The following MYZAP variants were observed in gnomAD, a reference collection of about 807,000 sequenced individuals.
The protein encoded by MYZAP is GRINL1A complex locus upstream.
A neutral mutation model predicts 69.4 loss-of-function variants in MYZAP; 66 were observed. The observed-to-expected ratio is 0.95, with a 90% CI of 0.78 to 1.17. MYZAP has a LOEUF of 1.17. MYZAP is among the 50% of genes most tolerant of loss of function. The pLI is 0.00. For missense variants in MYZAP, 611 were observed against 556.2 expected (o/e 1.10, Z -0.99); for synonymous variants, 256 against 205.9 (o/e 1.24, Z -2.09).
At position 57,592,042 on chromosome 15, in the gene MYZAP, G is replaced by T. The variant is rs1265827038; in HGVS notation, c.8G>T (p.Arg3Leu). 2 of 1,434,496 alleles carry T rather than the reference G, an allele frequency of 1.4e-6. No individual in the cohort carries two copies. Among genetic ancestry groups the T allele is most frequent in the Non-Finnish European group, 1.8e-6 (2 of 1,098,290 alleles). The allele number at this position is 1,434,496 out of a possible 1,614,324, so 88.9% of individuals were successfully genotyped here. ...ACCGACCGCCGCTGCGGGATGCTGC[G>T]CTCCACGTCCACGGTCACCCTGCTC... Reference protein sequence around the residue: MLRSTSTVTLLSG... With the variant: MLLSTSTVTLLSG... The change falls in exon 1 of 13, where the codon CGC (arginine) becomes CTC (leucine). Residue 3 changes from arginine to leucine, a missense_variant. Coordinates refer to ENST00000267853, the MANE Select transcript of MYZAP (RefSeq NM_001018100.5).
At chr15:57,661,263 C>G (rs1190618639) in intron 10 of MYZAP, among the ~76,000 whole-genome samples, 187 bp from the exon 11 acceptor site, 2 of 152,074 alleles carry the variant, frequency 1.3e-5, no homozygotes, top group Non-Finnish European at 2.9e-5. Flanking sequence ...TAATACTGTT[C>G]CACGAAACAC....
In MYZAP at chr15:57,664,449, G is replaced by A. The variant is rs1187180026; in HGVS notation, c.1203+2916G>A. Among the ~76,000 whole-genome samples, 3 of 152,268 alleles carry A rather than the reference G, an allele frequency of 2.0e-5. No individual in the cohort carries two copies. The South Asian group carries it at 6.2e-4, about 32-fold the overall frequency. ...GTTTTCCTCTTTGGCTCTCAGACTA[G>A]CTGATCATTTACACACACTCTGCCG... On this transcript the variant is annotated intron_variant, in intron 11 of 12. Coordinates refer to ENST00000267853, the MANE Select transcript of MYZAP (RefSeq NM_001018100.5).
chr15:57,661,588 T>C (rs2140548119), intron 11 of MYZAP, 55 bp downstream of exon 11: 1 of 1,459,350 alleles, frequency 6.9e-7, no homozygotes, highest in South Asian at 1.2e-5. Context: ...AATTTTATGT[T>C]GCTAAGCCTA....
At chr15:57,592,902 C>A (rs1472910923) in intron 1 of MYZAP, among the ~76,000 whole-genome samples, 1 of 152,158 alleles carries the variant, frequency 6.6e-6, no homozygotes, top group Non-Finnish European at 1.5e-5. Flanking sequence ...CAATACTTAT[C>A]ATTTGGTACC....
chr15:57,661,050 A>G (rs2038274102), intron 10 of MYZAP, among the ~76,000 whole-genome samples: 3 of 152,228 alleles, frequency 2.0e-5, no homozygotes, highest in Admixed American at 2.0e-4. Context: ...TTCAAGCCGA[A>G]TAATCATTTT....
intron 2 of MYZAP, among the ~76,000 whole-genome samples, chr15:57,610,370 G>A (rs562457441): frequency 7.2e-5 from 11 of 152,324 alleles, no homozygotes; most frequent in African/African-American, 2.4e-4. Flanking sequence ...CGTCCTTGGC[G>A]TGACTGTTTA....
chr15:57,678,410 T>G (rs1285964398), intron 12 of MYZAP, among the ~76,000 whole-genome samples: 2 of 152,134 alleles, frequency 1.3e-5, no homozygotes, highest in Non-Finnish European at 2.9e-5. Context: ...GCATGGTAAC[T>G]GGACCAGAGT....
At chr15:57,635,658 A>T (rs565786001) in intron 8 of MYZAP, among the ~76,000 whole-genome samples, 3 of 152,254 alleles carry the variant, frequency 2.0e-5, no homozygotes, top group Non-Finnish European at 4.4e-5. Flanking sequence ...TTGAACTAAC[A>T]TTAGGTAGGC....
chr15:57,601,312 G>A (rs757024300), intron 1 of MYZAP, among the ~76,000 whole-genome samples: 14 of 148,532 alleles, frequency 9.4e-5, no homozygotes, highest in Non-Finnish European at 1.8e-4. Flanking sequence ...TGTGGTGCAG[G>A]AGAAAAGGAC....
chr15:57,618,200 A>G lies in MYZAP; in HGVS notation c.318+12A>G. The G allele has an allele frequency of 6.2e-7, 1 of 1,612,170 alleles. No homozygotes were observed. The highest frequency in any genetic ancestry group is 8.5e-7 in the Non-Finnish European group (1 of 1,179,126). ...ACTACATCAAAGATGTGAGCCATTT[A>G]AGAGTTTTTGCCCCCCACCTGTATT... On this transcript the variant is annotated intron_variant, in intron 3 of 12. Coordinates refer to ENST00000267853, the MANE Select transcript of MYZAP (RefSeq NM_001018100.5).
chr15:57,609,570 T>C (rs1488522489), intron 2 of MYZAP, among the ~76,000 whole-genome samples: 1 of 152,204 alleles, frequency 6.6e-6, no homozygotes, highest in East Asian at 1.9e-4. Context: ...ATATAATTCC[T>C]AGGTACTGGA....
intron 10 of MYZAP, among the ~76,000 whole-genome samples, chr15:57,649,446 G>A (rs1261612104): frequency 6.6e-6 from 1 of 152,202 alleles, no homozygotes; most frequent in East Asian, 1.9e-4. Flanking sequence ...ATTACTCATT[G>A]AAACTTGTGA....
At chr15:57,672,711 A>G (rs1299821899) in intron 11 of MYZAP, among the ~76,000 whole-genome samples, 1 of 152,206 alleles carries the variant, frequency 6.6e-6, no homozygotes, top group Non-Finnish European at 1.5e-5. Context: ...TTTCATTAAT[A>G]ACTTCTACAC....
At chr15:57,673,638 C>T (rs1268317731) in intron 11 of MYZAP, among the ~76,000 whole-genome samples, 1 of 152,152 alleles carries the variant, frequency 6.6e-6, no homozygotes, top group Non-Finnish European at 1.5e-5. Flanking sequence ...TCTTCCTTTA[C>T]ACCATTTCTT....
At chr15:57,612,672 A>G (rs1489829322) in intron 2 of MYZAP, among the ~76,000 whole-genome samples, 1 of 152,204 alleles carries the variant, frequency 6.6e-6, no homozygotes, top group Non-Finnish European at 1.5e-5. Flanking sequence ...TTCAATGGCC[A>G]GTAAATCCCT....
chr15:57,617,821 T>C (rs2035566125), intron 2 of MYZAP, among the ~76,000 whole-genome samples: 1 of 152,162 alleles, frequency 6.6e-6, no homozygotes, highest in South Asian at 2.1e-4. Flanking sequence ...TAGCAAACGG[T>C]GCTCTTCCTC....
At chr15:57,631,127 G>A (rs72743595) in intron 6 of MYZAP, among the ~76,000 whole-genome samples, 2 of 152,256 alleles carry the variant, frequency 1.3e-5, no homozygotes, top group Non-Finnish European at 2.9e-5. Context: ...AGTTACTTGG[G>A]GGGTGAAAAA....
At chr15:57,652,138 A>G (rs1219464319) in intron 10 of MYZAP, among the ~76,000 whole-genome samples, 1 of 152,190 alleles carries the variant, frequency 6.6e-6, no homozygotes, top group Non-Finnish European at 1.5e-5. Context: ...CCAATCAAGC[A>G]TCATGAAGAT....
chr15:57,617,001 A>C (rs2035508795), intron 2 of MYZAP, among the ~76,000 whole-genome samples: 1 of 151,724 alleles, frequency 6.6e-6, no homozygotes, highest in African/African-American at 2.4e-5. Context: ...GTTTGTCTGA[A>C]GTCTCAGTCC....
Sources: allele counts gnomAD v4.1 joint callset (sites outside exome capture counted in the v4.1 genomes callset), GRCh38; gene constraint gnomAD v4.1.1; transcripts MANE v1.5; gene names NCBI Gene and HGNC (gene_info 2026-07-23, HGNC 2026-07-21).